Variants in NBEA observed in about 807,000 individuals in gnomAD.
NBEA encodes the protein lysosomal-trafficking regulator 2.
In NBEA, 44 loss-of-function variants were observed where a neutral mutation model predicts 343.4. The ratio of observed to expected loss-of-function variants is 0.13; its 90% CI spans 0.10 to 0.16. NBEA has a LOEUF of 0.16. Among genes scored for constraint, NBEA ranks in the 10% least tolerant of loss-of-function variants. The pLI is 1.00. For synonymous variants in NBEA, 1,175 were observed against 1,238.7 expected, an observed-to-expected ratio of 0.95 and a Z score of 1.08; for missense variants, 2,555 against 3,631.3, an observed-to-expected ratio of 0.70 and a Z score of 7.62.
At chr13:35,088,829 A>G (rs1179940911) in intron 10 of NBEA, among the ~76,000 whole-genome samples, 2 of 147,406 alleles carry the variant, frequency 1.4e-5, no homozygotes, top group African/African-American at 2.5e-5. Context: ...TATTTAATAA[A>G]TGGTGCTGGG....
intron 18 of NBEA, among the ~76,000 whole-genome samples, chr13:35,147,879 C>A (rs1022563348): frequency 6.6e-6 from 1 of 152,052 alleles, no homozygotes; most frequent in Non-Finnish European, 1.5e-5. Flanking sequence ...TATTTGAGTC[C>A]ATTTCTTCTG....
chr13:35,663,182 C>T (rs1352769204), intron 55 of NBEA, among the ~76,000 whole-genome samples: 1 of 152,128 alleles, frequency 6.6e-6, no homozygotes, highest in Non-Finnish European at 1.5e-5. Context: ...CCGTAGTCAC[C>T]CTATTTTGCT....
At chr13:35,446,103 G>T (rs1389153470) in intron 39 of NBEA, among the ~76,000 whole-genome samples, 3 of 151,730 alleles carry the variant, frequency 2.0e-5, no homozygotes, top group Admixed American at 2.0e-4. Flanking sequence ...TGCTGAGAAT[G>T]ATGGTTTCCG....
At chr13:35,569,119 G>C (rs1229272606) in intron 45 of NBEA, among the ~76,000 whole-genome samples, 1 of 152,228 alleles carries the variant, frequency 6.6e-6, no homozygotes, top group South Asian at 2.1e-4. Context: ...ATTGATATAG[G>C]CCATATGCTT....
At chr13:35,249,697 A>G (rs1479291384) in intron 34 of NBEA, among the ~76,000 whole-genome samples, 1 of 152,226 alleles carries the variant, frequency 6.6e-6, no homozygotes, top group African/African-American at 2.4e-5. Context: ...TAGAATTAAC[A>G]TATGATCTAG....
intron 38 of NBEA, among the ~76,000 whole-genome samples, chr13:35,373,212 G>A (rs930559934): frequency 1.3e-5 from 2 of 151,914 alleles, no homozygotes; most frequent in African/African-American, 2.4e-5. Context: ...CCTCTCTATT[G>A]AATTCCAGTG....
At chr13:35,069,131 A>G (rs2063767692) in intron 8 of NBEA, among the ~76,000 whole-genome samples, 1 of 152,154 alleles carries the variant, frequency 6.6e-6, no homozygotes, top group African/African-American at 2.4e-5. Flanking sequence ...AAATCAGAAG[A>G]CTTAGAATTA....
intron 9 of NBEA, 50 bp downstream of exon 9, chr13:35,070,155 ATCTT>A: frequency 1.4e-6 from 2 of 1,394,022 alleles, no homozygotes; most frequent in East Asian, 2.6e-5. Flanking sequence ...ATTTGACAGT[ATCTT>A]TATTTTATAT....
At chr13:35,177,362 A>G (rs1038670274) in intron 28 of NBEA, among the ~76,000 whole-genome samples, 1 of 151,908 alleles carries the variant, frequency 6.6e-6, no homozygotes, top group Non-Finnish European at 1.5e-5. Context: ...CTGAAAAATT[A>G]TAATTAACTT....
intron 10 of NBEA, among the ~76,000 whole-genome samples, chr13:35,079,294 T>C (rs2064265560): frequency 6.6e-6 from 1 of 152,230 alleles, no homozygotes; most frequent in African/African-American, 2.4e-5. Flanking sequence ...AAACTGTATA[T>C]GTGCCTTCTT....
chr13:35,484,886 T>C (rs2152969239), intron 41 of NBEA, among the ~76,000 whole-genome samples: 1 of 152,218 alleles, frequency 6.6e-6, no homozygotes, highest in South Asian at 2.1e-4. Context: ...AGAGGGGTGG[T>C]AGTATTCTAA....
rs562279560 is a variant in NBEA at position 35,601,125 on chromosome 13, C to T, written c.7297-5301C>T. Reference sequence around the variant, plus strand: ...CTGGGAGGCAGAGGTTGTAGTGAGCCGAGATGGCACCATTGCACTCCAGCC... The same window carrying T: ...CTGGGAGGCAGAGGTTGTAGTGAGCTGAGATGGCACCATTGCACTCCAGCC... On this transcript the variant is annotated intron_variant, in intron 47 of 58. Coordinates refer to ENST00000379939, the MANE Select transcript of NBEA (RefSeq NM_001385012.1). Among the ~76,000 whole-genome samples, 16 of 151,286 alleles carry T rather than the reference C, an allele frequency of 1.1e-4. No individual in the cohort carries two copies. The South Asian group carries it at 2.7e-3, about 26-fold the overall frequency.
intron 1 of NBEA, among the ~76,000 whole-genome samples, chr13:35,016,479 G>A (rs903811390): frequency 1.3e-5 from 2 of 151,938 alleles, no homozygotes; most frequent in African/African-American, 4.8e-5. Context: ...ACATTTTCTT[G>A]CATGACAGTT....
chr13:35,665,819 G>T (rs907779546), intron 56 of NBEA, among the ~76,000 whole-genome samples: 1 of 152,018 alleles, frequency 6.6e-6, no homozygotes, highest in African/African-American at 2.4e-5. Flanking sequence ...GTAGAGATGG[G>T]GTTTCACCAT....
intron 34 of NBEA, among the ~76,000 whole-genome samples, chr13:35,267,970 A>G (rs748154110): frequency 3.3e-5 from 5 of 152,094 alleles, no homozygotes; most frequent in Admixed American, 6.5e-5. Context: ...AATTAAAAAT[A>G]TAATTACCAT....
chr13:35,411,775 G>A (rs2043601995), intron 38 of NBEA, among the ~76,000 whole-genome samples: 1 of 152,002 alleles, frequency 6.6e-6, no homozygotes, highest in Non-Finnish European at 1.5e-5. Context: ...AAGGATTACA[G>A]GCATGAGCCA....
intron 49 of NBEA, among the ~76,000 whole-genome samples, chr13:35,638,003 C>G (rs1254554302): frequency 1.3e-5 from 2 of 152,026 alleles, no homozygotes; most frequent in Admixed American, 1.3e-4. Flanking sequence ...CTAAGTGAAA[C>G]AAGCCAGTCA....
intron 11 of NBEA, among the ~76,000 whole-genome samples, chr13:35,106,212 T>A (rs912994946): frequency 1.1e-4 from 16 of 151,982 alleles, no homozygotes; most frequent in African/African-American, 3.9e-4. Context: ...CATCTAAAGG[T>A]TACAGATTTA....
rs945009700 is a variant in NBEA, at chr13:35,258,653, A to G, written c.5776+26034A>G. ...ATCAACAGAAAAATTAAATTTAGAT[A>G]CTGTTGATAATGTTGGTGTTTATTT... On this transcript the variant is annotated intron_variant, in intron 34 of 58. Coordinates refer to ENST00000379939, the MANE Select transcript of NBEA (RefSeq NM_001385012.1). 2.0e-5 allele frequency among the ~76,000 whole-genome samples: 3 copies of G among 152,122 alleles called. No individual in the cohort carries two copies. In the East Asian group the frequency reaches 5.8e-4, roughly 29 times the overall value.
Sources: allele counts gnomAD v4.1 joint callset (sites outside exome capture counted in the v4.1 genomes callset), GRCh38; gene constraint gnomAD v4.1.1; transcripts MANE v1.5; gene names NCBI Gene and HGNC (gene_info 2026-07-23, HGNC 2026-07-21).